The following IKZF1 variants were observed in gnomAD, a reference collection of about 807,000 sequenced individuals.
The protein encoded by IKZF1 is DNA-binding protein Ikaros.
Under a neutral mutation model 51.7 loss-of-function variants are expected in IKZF1, and 10 were observed. The observed-to-expected ratio is 0.19, with a 90% CI of 0.12 to 0.33. The LOEUF is 0.33. IKZF1 is among the 10% of genes least tolerant of loss of function. IKZF1 has a pLI of 1.00. For synonymous variants in IKZF1, 280 were observed against 282.3 expected (o/e 0.99, Z 0.08); for missense variants, 484 against 707.5 (o/e 0.68, Z 3.58).
chr7:50,396,081 A>G (rs975377392), intron 7 of IKZF1, among the ~76,000 whole-genome samples: 2 of 152,098 alleles, frequency 1.3e-5, no homozygotes, highest in African/African-American at 4.8e-5. Context: ...AATTCCTGCC[A>G]TTTTGTCTAG....
chr7:50,371,186 G>C (rs541609470), intron 3 of IKZF1, among the ~76,000 whole-genome samples: 1 of 152,212 alleles, frequency 6.6e-6, no homozygotes, highest in African/African-American at 2.4e-5. Context: ...TTCAGCAGGA[G>C]CCTTGCATAT....
intron 3 of IKZF1, among the ~76,000 whole-genome samples, chr7:50,337,036 A>G (rs1797953794): frequency 6.6e-6 from 1 of 152,116 alleles, no homozygotes; most frequent in African/African-American, 2.4e-5. Flanking sequence ...ATGCCCTAGA[A>G]AGAGGTGTCT....
upstream of IKZF1, chr7:50,304,523 G>C (rs1434899908): frequency 6.7e-6 from 1 of 150,032 alleles, no homozygotes; most frequent in Non-Finnish European, 1.5e-5. Flanking sequence ...CGGCGCGGAG[G>C]GGGCCAGGTA....
rs189937880 is a variant in IKZF1, at chr7:50,387,509, C to T, written c.715+39C>T. 4.5e-5 allele frequency: 70 copies of T among 1,569,480 alleles called. 1 individual carries two copies. The African/African-American group carries it at 4.8e-4, about 11-fold the overall frequency. On this transcript the variant is annotated intron_variant, in intron 6 of 7. Transcript: ENST00000331340. ...CTCGGAGGCCAGCCTGGTGGGCTCT[C>T]CCCCCAGCACGGTGGGGAAGGAGGG...
intron 2 of IKZF1, among the ~76,000 whole-genome samples, chr7:50,325,978 G>A (rs1417838454): frequency 6.6e-6 from 1 of 152,076 alleles, no homozygotes; most frequent in African/African-American, 2.4e-5. Context: ...TGCTCTTTCT[G>A]AAAATATGCC....
chr7:50,375,692 A>G (rs1810029845), intron 3 of IKZF1, among the ~76,000 whole-genome samples: 1 of 125,270 alleles, frequency 8.0e-6, no homozygotes, highest in Non-Finnish European at 1.7e-5. Flanking sequence ...AAGACACTAA[A>G]AGTTCACCTC....
intron 1 of IKZF1, chr7:50,308,558 C>T (rs750726108): frequency 5.9e-5 from 9 of 152,230 alleles, no homozygotes; most frequent in Non-Finnish European, 7.3e-5. Context: ...CCTTTTCCAC[C>T]ACAAGCCTGA....
chr7:50,376,954 T>C lies in IKZF1; in HGVS notation c.421+161T>C. 1 of 1,250,592 alleles carries C rather than the reference T, an allele frequency of 8.0e-7. No individual in the cohort carries two copies. The highest frequency in any genetic ancestry group is 1.1e-6 in the Non-Finnish European group (1 of 923,240). The allele number at this position is 1,250,592 out of a possible 1,614,324, so 77.5% of individuals were successfully genotyped here. ...TTCCAAGTGGTACCGAGTCATAGAG[T>C]CCTTGTTCTGGTACAGCCTTGTAAA... is the stretch of plus-strand genomic sequence containing the variant. On this transcript the variant is annotated intron_variant, in intron 4 of 7. Coordinates refer to ENST00000331340, the MANE Select transcript of IKZF1 (RefSeq NM_006060.6). The surrounding 1 kb of genome is among the most constrained non-coding windows in gnomAD (Gnocchi z 4.5).
chr7:50,386,802 G>T (rs1014243122), intron 5 of IKZF1, among the ~76,000 whole-genome samples: 1 of 152,022 alleles, frequency 6.6e-6, no homozygotes, highest in Non-Finnish European at 1.5e-5. Flanking sequence ...GCAATAAAAC[G>T]CTTATTTCAT....
At chr7:50,309,341 A>G (rs997405275) in intron 1 of IKZF1, among the ~76,000 whole-genome samples, 2 of 152,166 alleles carry the variant, frequency 1.3e-5, no homozygotes, top group African/African-American at 4.8e-5. Flanking sequence ...GCAATGCAGT[A>G]AAAAGAGGGG....
rs900476581 is a variant in IKZF1 at position 50,371,045 on chromosome 7, A to T, written c.161-5488A>T. Among the ~76,000 whole-genome samples, 22 of 152,192 alleles carry T rather than the reference A, an allele frequency of 1.4e-4. 1 individual carries two copies. The highest frequency in any genetic ancestry group is 1.5e-5 in the Non-Finnish European group (1 of 68,030). ...GAGACAGCATCCATGGGGTTGAACC[A>T]AGCACAATGCCTGCAAATCGGGCAG... is the stretch of plus-strand genomic sequence containing the variant. On this transcript the variant is annotated intron_variant, in intron 3 of 7. Transcript: ENST00000331340.
intron 3 of IKZF1, among the ~76,000 whole-genome samples, chr7:50,342,514 G>A (rs911559610): frequency 1.2e-4 from 18 of 152,164 alleles, no homozygotes; most frequent in Non-Finnish European, 2.4e-4. Context: ...AGTAAACTAA[G>A]CTGCAAAGAC....
chr7:50,320,771 A>G (rs1236475981), intron 2 of IKZF1, among the ~76,000 whole-genome samples: 2 of 152,228 alleles, frequency 1.3e-5, no homozygotes, highest in Admixed American at 6.5e-5. Flanking sequence ...GTGATTATCT[A>G]TATAAACAAA....
chr7:50,327,464 TG>T, intron 2 of IKZF1, 173 bp from the exon 3 acceptor site: 1 of 610,472 alleles, frequency 1.6e-6, no homozygotes. Context: ...TTGTATTGTG[TG>T]GGGAGAAGTG....
At chr7:50,367,724 G>A in intron 3 of IKZF1, 1 of 344,952 alleles carries the variant, frequency 2.9e-6, no homozygotes, top group Non-Finnish European at 5.4e-6. Flanking sequence ...AGAATGTTTG[G>A]GGCTGCACCC....
rs150385329 is a variant in IKZF1, at chr7:50,391,799, C to T, written c.786C>T (p.Leu262=). 1.8e-5 allele frequency: 29 copies of T among 1,613,982 alleles called. No individual in the cohort carries two copies. Among genetic ancestry groups the T allele is most frequent in the East Asian group, 2.2e-5 (1 of 44,884 alleles). ...GCAAGATAGGATCAGAGAGATCTCT[C>T]GTGCTGGACAGACTAGCAAGTAACG... ...DLCKIGSERS[L]VLDRLASNVA... is the part of the protein sequence containing the mutation. The change falls in exon 7 of 8, where the codon CTC becomes CTT. Residue 262 remains leucine, a synonymous_variant. Coordinates refer to ENST00000331340, the MANE Select transcript of IKZF1 (RefSeq NM_006060.6).
chr7:50,355,220 G>A (rs1267463270), intron 3 of IKZF1, among the ~76,000 whole-genome samples: 3 of 152,228 alleles, frequency 2.0e-5, no homozygotes, highest in African/African-American at 7.2e-5. Flanking sequence ...AAGGGCACCT[G>A]TGAATGGCCT....
chr7:50,342,623 C>G lies in IKZF1; in HGVS notation c.160+14866C>G, dbSNP rs1042200480. On this transcript the variant is annotated intron_variant, in intron 3 of 7. Transcript: ENST00000331340. ...TGCTTTTGCAACCTGATAAAGCAAC[C>G]GAGGAGAGGTGGTGAAGGAAAGGCT... 2.7e-5 allele frequency among the ~76,000 whole-genome samples: 4 copies of G among 150,336 alleles called. No homozygotes were observed. The South Asian group carries it at 6.3e-4, about 24-fold the overall frequency.
At chr7:50,327,433 T>C in intron 2 of IKZF1, 1 of 455,624 alleles carries the variant, frequency 2.2e-6, no homozygotes, top group African/African-American at 2.0e-5. Flanking sequence ...TCTTCCCTTT[T>C]GCACATCTAT....
Sources: gnomAD v4.1 joint callset for allele counts (sites outside exome capture counted in the v4.1 genomes callset) on GRCh38, gnomAD v4.1.1 for gene constraint, Gnocchi (gnomAD v3.1) non-coding constraint, MANE v1.5 for transcripts, NCBI Gene and HGNC (gene_info 2026-07-23, HGNC 2026-07-21) for gene names.